Variants in RABGAP1 observed in about 807,000 individuals in gnomAD.
RABGAP1 encodes RAB GTPase activating protein 1, also known as rab GTPase-activating protein 1.
In RABGAP1, 23 loss-of-function variants were observed where a neutral mutation model predicts 137.6. That is an observed-to-expected ratio of 0.17 (90% CI 0.12 to 0.24). The LOEUF (loss-of-function observed/expected upper bound fraction) is 0.24, where lower values mean the gene tolerates loss of function less well. RABGAP1 is among the 10% of genes least tolerant of loss of function. The pLI, the probability that RABGAP1 is intolerant of heterozygous loss-of-function variation, is 1.00. For missense variants in RABGAP1, 906 were observed against 1,275.8 expected, an observed-to-expected ratio of 0.71 and a Z score of 4.42; for synonymous variants, 451 against 450.7, an observed-to-expected ratio of 1.00 and a Z score of -0.01.
At chr9:122,933,440 AATT>A in the RABGAP1 span, among the ~76,000 whole-genome samples, 160 of 146,004 alleles carry the variant, frequency 1.1e-3, 1 homozygote, top group South Asian at 8.5e-3. Flanking sequence ...TTTTTCATTA[AATT>A]ATTATTATTA....
chr9:123,104,522 C>CTGTAA lies in RABGAP1; in HGVS notation c.*1310_*1311insGTAAT, dbSNP rs2035444376. The CTGTAA allele has an allele frequency of 6.6e-6, 1 of 152,496 alleles. No homozygotes were observed. Among genetic ancestry groups the CTGTAA allele is most frequent in the Admixed American group, 6.5e-5 (1 of 15,270 alleles). The allele number at this position is 152,496 out of a possible 1,614,324, so 9.4% of individuals were successfully genotyped here. On this transcript the variant is annotated 3_prime_UTR_variant, in exon 26 of 26. Transcript: ENST00000373647. The stretch of plus-strand genomic sequence containing the variant: ...TCTGCGTTCAGTGTTGAGGCGGCTG[C>CTGTAA]TTACAAGAGGCACTGGTTTTGTATA...
In RABGAP1 at chr9:123,076,757, A is replaced by T. The variant is rs1454614927; in HGVS notation, c.2419A>T (p.Met807Leu). The T allele has an allele frequency of 6.3e-7, 1 of 1,579,038 alleles. No homozygotes were observed. Among genetic ancestry groups the T allele is most frequent in the Non-Finnish European group, 8.6e-7 (1 of 1,163,282 alleles). Reference sequence around the variant, plus strand: ...AAAACTAATGGAATTAGCCTGCAACATGAAGGTAAAATAATTTTGCATTAG... The same window carrying T: ...AAAACTAATGGAATTAGCCTGCAACTTGAAGGTAAAATAATTTTGCATTAG... ...AKKLMELACNMKISQKKLKKY... is the reference protein window; with the variant it reads ...AKKLMELACNLKISQKKLKKY... The change falls in exon 19 of 26, where the codon ATG becomes TTG. Residue 807 changes from methionine (M) to leucine (L), a missense_variant. Coordinates refer to ENST00000373647, the MANE Select transcript of RABGAP1 (RefSeq NM_012197.4).
chr9:123,022,455 G>T (rs1475625438), intron 13 of RABGAP1, among the ~76,000 whole-genome samples: 1 of 152,146 alleles, frequency 6.6e-6, no homozygotes, highest in Non-Finnish European at 1.5e-5. Flanking sequence ...TGGCTAGAGT[G>T]CAGTGCAGTG....
At chr9:123,024,613 T>C (rs1243017528) in intron 13 of RABGAP1, among the ~76,000 whole-genome samples, 1 of 152,094 alleles carries the variant, frequency 6.6e-6, no homozygotes, top group African/African-American at 2.4e-5. Context: ...CTAATTTTTG[T>C]ATTTTTAGTA....
chr9:123,016,285 T>C (rs566523519), intron 12 of RABGAP1, among the ~76,000 whole-genome samples: 1 of 152,234 alleles, frequency 6.6e-6, no homozygotes, highest in Admixed American at 6.5e-5. Flanking sequence ...GGCAGGAGGA[T>C]TGCTTGAGCC....
intron 13 of RABGAP1, among the ~76,000 whole-genome samples, chr9:123,050,289 T>A (rs1343866223): frequency 6.6e-6 from 1 of 152,250 alleles, no homozygotes; most frequent in East Asian, 1.9e-4. Context: ...TTACTATTTC[T>A]TTTTGGTCCA....
Position 122,957,078 on chromosome 9 carries a change from G to T in RABGAP1, c.19G>T (p.Val7Phe), listed in dbSNP as rs1834567093. 6.6e-7 allele frequency: 1 copy of T among 1,524,198 alleles called. No individual in the cohort carries two copies. 94.4% of individuals were successfully genotyped at this position (1,524,198 alleles called of 1,614,324 possible). A position where few individuals can be genotyped will look rare whatever the true frequency, so the allele number is the denominator to read the frequency against. Residue 7 changes from valine (V) to phenylalanine (F), a missense_variant, in exon 2 of 26, where the codon GTT (valine) becomes TTT (phenylalanine). By Grantham distance (50) the Val-to-Phe change is conservative. Transcript: ENST00000373647. MDDKAS[V>F]GKISVSSDSV... is the part of the protein sequence containing the mutation. Reference sequence around the variant, plus strand: ...TTGAGTTATGGATGACAAGGCTTCTGTTGGAAAAATCAGTGTCTCTTCAGA... The same window carrying T: ...TTGAGTTATGGATGACAAGGCTTCTTTTGGAAAAATCAGTGTCTCTTCAGA...
intron 1 of RABGAP1, among the ~76,000 whole-genome samples, chr9:122,949,516 A>G (rs1834112732): frequency 6.6e-6 from 1 of 151,844 alleles, no homozygotes; most frequent in Non-Finnish European, 1.5e-5. Flanking sequence ...CTCCATCTCA[A>G]AAACAACAAT....
At chr9:122,983,626 T>C (rs1035727765) in intron 2 of RABGAP1, among the ~76,000 whole-genome samples, 1 of 152,234 alleles carries the variant, frequency 6.6e-6, no homozygotes, top group African/African-American at 2.4e-5. Flanking sequence ...CTGCCCAATT[T>C]AACTTTTTGT....
Position 123,104,493 on chromosome 9 carries a change from C to G in RABGAP1, c.*1280C>G, listed in dbSNP as rs9032. On this transcript the variant is annotated 3_prime_UTR_variant, in exon 26 of 26. Transcript: ENST00000373647. The stretch of plus-strand genomic sequence containing the variant: ...GCTGACACGCAGATGGTTTTGTCCT[C>G]TTTTCTGCGTTCAGTGTTGAGGCGG... 95,232 of 152,368 alleles carry G rather than the reference C, an allele frequency of 0.63. 36,877 individuals carry two copies. The highest frequency in any genetic ancestry group is 0.86 in the Non-Finnish European group (58,754 of 68,014). 9.4% of individuals were successfully genotyped at this position (152,368 alleles called of 1,614,324 possible).
At chr9:123,092,355 C>T (rs72753283) in intron 21 of RABGAP1, among the ~76,000 whole-genome samples, 2 of 152,328 alleles carry the variant, frequency 1.3e-5, no homozygotes, top group Non-Finnish European at 2.9e-5. Context: ...CTCCCATTTA[C>T]TGATGATTTG....
At chr9:123,062,288 T>G (rs1238141398) in intron 13 of RABGAP1, 2 of 152,212 alleles carry the variant, frequency 1.3e-5, no homozygotes, top group Non-Finnish European at 2.9e-5. Context: ...TATATTGTTG[T>G]ATAAAGCTTA....
intron 13 of RABGAP1, chr9:123,035,378 A>C: frequency 1.9e-6 from 3 of 1,614,006 alleles, no homozygotes; most frequent in Non-Finnish European, 2.5e-6. Flanking sequence ...TATATCATCT[A>C]CTTCTTGTTG....
chr9:123,018,604 A>C (rs548170387), intron 12 of RABGAP1, among the ~76,000 whole-genome samples: 1 of 152,372 alleles, frequency 6.6e-6, no homozygotes, highest in South Asian at 2.1e-4. Flanking sequence ...TTGGGTTAGC[A>C]GCAGAACTAT....
intron 13 of RABGAP1, chr9:123,034,923 T>G (rs1272185405): frequency 6.2e-7 from 1 of 1,613,264 alleles, no homozygotes; most frequent in East Asian, 2.2e-5. Flanking sequence ...CCATGGCTTC[T>G]CTGGCCTGTA....
chr9:122,960,296 A>T (rs922396102), intron 2 of RABGAP1, among the ~76,000 whole-genome samples: 1 of 152,248 alleles, frequency 6.6e-6, no homozygotes, highest in Non-Finnish European at 1.5e-5. Context: ...TTTATACTGT[A>T]GTGCATTGTT....
intron 13 of RABGAP1, among the ~76,000 whole-genome samples, chr9:123,064,105 T>C (rs1383791562): frequency 6.6e-6 from 1 of 152,126 alleles, no homozygotes; most frequent in Non-Finnish European, 1.5e-5. Flanking sequence ...GCTCTCCCTC[T>C]CTCTCCCACT....
intron 11 of RABGAP1, among the ~76,000 whole-genome samples, chr9:123,014,083 G>A (rs540002969): frequency 1.1e-4 from 17 of 152,270 alleles, no homozygotes; most frequent in Non-Finnish European, 2.5e-4. Flanking sequence ...ACATAAACCC[G>A]ATGAAAGCAA....
chr9:123,055,546 CTTT>C (rs930532167), intron 13 of RABGAP1, among the ~76,000 whole-genome samples: 4 of 121,966 alleles, frequency 3.3e-5, no homozygotes, highest in Non-Finnish European at 3.5e-5. Flanking sequence ...ATTTCTTCTT[CTTT>C]TTTTTTTTTT....
Sources: allele counts gnomAD v4.1 joint callset (sites outside exome capture counted in the v4.1 genomes callset), GRCh38; gene constraint gnomAD v4.1.1; transcripts MANE v1.5; gene names NCBI Gene and HGNC (gene_info 2026-07-23, HGNC 2026-07-21).